The following JAGN1 variants were observed in gnomAD, a reference collection of about 807,000 sequenced individuals.
JAGN1 encodes the protein protein jagunal homolog 1.
JAGN1 carries 13 observed loss-of-function variants against 17.1 expected under a neutral mutation model. The ratio of observed to expected loss-of-function variants is 0.76; its 90% CI spans 0.49 to 1.21. The LOEUF is 1.21. JAGN1 is among the 50% of genes most tolerant of loss of function. The pLI is 0.00. For synonymous variants in JAGN1, 111 were observed against 91.0 expected, an observed-to-expected ratio of 1.22 and a Z score of -1.25; for missense variants, 256 against 234.2, an observed-to-expected ratio of 1.09 and a Z score of -0.61.
intron 1 of JAGN1, among the ~76,000 whole-genome samples, chr3:9,891,090 C>T (rs1344461117): frequency 6.6e-6 from 1 of 152,246 alleles, no homozygotes; most frequent in East Asian, 1.9e-4. Context: ...TCGATGCTGG[C>T]CCCGCTGTAT....
rs2082555219 is a variant in JAGN1, at chr3:9,890,651, C to CGCGGGGGCGCAAAT, written c.-72_-71insGCGGGGGCGCAAAT. 2.8e-6 allele frequency: 4 copies of CGCGGGGGCGCAAAT among 1,433,506 alleles called. No individual in the cohort carries two copies. The highest frequency in any genetic ancestry group is 2.4e-5 in the East Asian group (1 of 40,966). 88.8% of individuals were successfully genotyped at this position (1,433,506 alleles called of 1,614,324 possible). On this transcript the variant is annotated 5_prime_UTR_variant, in exon 1 of 2. Transcript: ENST00000647897. ...GCGGCTGCGGGGGCGCAAATAGGGT[C>CGCGGGGGCGCAAAT]AGTGGGCCGCTTGGCGGTGTCGTTG...
chr3:9,893,739 C>A lies in JAGN1; in HGVS notation c.*362C>A. On this transcript the variant is annotated 3_prime_UTR_variant, in exon 2 of 2. Coordinates refer to ENST00000647897, the MANE Select transcript of JAGN1 (RefSeq NM_032492.4). ...AAATAGGGAATAAATCAAATTACTTCATCTCTAGGTCACGGGTCAGGAAAC... is the reference window on the plus strand; with the variant it reads ...AAATAGGGAATAAATCAAATTACTTAATCTCTAGGTCACGGGTCAGGAAAC... 1 of 213,834 alleles carries A rather than the reference C, an allele frequency of 4.7e-6. No homozygotes were observed. The highest frequency in any genetic ancestry group is 8.6e-5 in the South Asian group (1 of 11,646). The allele number at this position is 213,834 out of a possible 1,614,324, so 13.2% of individuals were successfully genotyped here.
At position 9,893,445 on chromosome 3, in the gene JAGN1, C is replaced by A; in HGVS notation, c.*68C>A. 3 of 1,269,214 alleles carry A rather than the reference C, an allele frequency of 2.4e-6. No homozygotes were observed. Among genetic ancestry groups the A allele is most frequent in the Non-Finnish European group, 3.2e-6 (3 of 932,438 alleles). 78.6% of individuals were successfully genotyped at this position (1,269,214 alleles called of 1,614,324 possible). A position where few individuals can be genotyped will look rare whatever the true frequency, so the allele number is the denominator to read the frequency against. ...GACACTAGTACAGCGGTTCCAAAAT[C>A]CCTTCTGGTGATTTTAGCAGCTGTG... On this transcript the variant is annotated 3_prime_UTR_variant, in exon 2 of 2. Coordinates refer to ENST00000647897, the MANE Select transcript of JAGN1 (RefSeq NM_032492.4).
rs753386088 is a variant in JAGN1, at chr3:9,890,681, A to G, written c.-42A>G. The G allele has an allele frequency of 6.4e-7, 1 of 1,565,558 alleles. No individual in the cohort carries two copies. The highest frequency in any genetic ancestry group is 8.7e-7 in the Non-Finnish European group (1 of 1,150,482). On this transcript the variant is annotated 5_prime_UTR_variant, in exon 1 of 2. Transcript: ENST00000647897. ...GGCCGCTTGGCGGTGTCGTTGCGGT[A>G]CCAGGTCCGCGTGAGGGGTTCGGGG...
Position 9,893,455 on chromosome 3 carries a change from G to T in JAGN1, c.*78G>T. On this transcript the variant is annotated 3_prime_UTR_variant, in exon 2 of 2. Coordinates refer to ENST00000647897, the MANE Select transcript of JAGN1 (RefSeq NM_032492.4). Reference sequence around the variant, plus strand: ...CAGCGGTTCCAAAATCCCTTCTGGTGATTTTAGCAGCTGTGATGTTGGTAC... The same window carrying T: ...CAGCGGTTCCAAAATCCCTTCTGGTTATTTTAGCAGCTGTGATGTTGGTAC... 1 of 1,183,636 alleles carries T rather than the reference G, an allele frequency of 8.4e-7. No homozygotes were observed. Among genetic ancestry groups the T allele is most frequent in the Non-Finnish European group, 1.2e-6 (1 of 859,134 alleles). 73.3% of individuals were successfully genotyped at this position (1,183,636 alleles called of 1,614,324 possible).
At position 9,890,672 on chromosome 3, in the gene JAGN1, C is replaced by A. The variant is rs369579060; in HGVS notation, c.-51C>A. 1.6e-5 allele frequency: 25 copies of A among 1,536,790 alleles called. No individual in the cohort carries two copies. In the African/African-American group the frequency reaches 2.6e-4, roughly 16 times the overall value. ...GGGTCAGTGGGCCGCTTGGCGGTGT[C>A]GTTGCGGTACCAGGTCCGCGTGAGG... is the stretch of plus-strand genomic sequence containing the variant. On this transcript the variant is annotated 5_prime_UTR_variant, in exon 1 of 2. Transcript: ENST00000647897.
chr3:9,890,669 T>G lies in JAGN1; in HGVS notation c.-54T>G. 5 of 1,523,074 alleles carry G rather than the reference T, an allele frequency of 3.3e-6. No individual in the cohort carries two copies. The highest frequency in any genetic ancestry group is 4.5e-6 in the Non-Finnish European group (5 of 1,118,084). The allele number at this position is 1,523,074 out of a possible 1,614,324, so 94.3% of individuals were successfully genotyped here. ...ATAGGGTCAGTGGGCCGCTTGGCGG[T>G]GTCGTTGCGGTACCAGGTCCGCGTG... On this transcript the variant is annotated 5_prime_UTR_variant, in exon 1 of 2. Coordinates refer to ENST00000647897, the MANE Select transcript of JAGN1 (RefSeq NM_032492.4).
Position 9,893,847 on chromosome 3 carries a change from C to CCA in JAGN1, c.*474_*475dup. 1 of 168,002 alleles carries CCA rather than the reference C, an allele frequency of 6.0e-6. No homozygotes were observed. The highest frequency in any genetic ancestry group is 1.6e-4 in the East Asian group (1 of 6,078). The allele number at this position is 168,002 out of a possible 1,614,324, so 10.4% of individuals were successfully genotyped here. The stretch of plus-strand genomic sequence containing the variant: ...AAAACCTCAATAAAGATGGCCCTGC[C>CCA]CACACTGTGCCTTGTGTTTGGGGCT... On this transcript the variant is annotated 3_prime_UTR_variant, in exon 2 of 2. Coordinates refer to ENST00000647897, the MANE Select transcript of JAGN1 (RefSeq NM_032492.4).
At position 9,890,677 on chromosome 3, in the gene JAGN1, C is replaced by T. The variant is rs760091645; in HGVS notation, c.-46C>T. 2.6e-6 allele frequency: 4 copies of T among 1,549,154 alleles called. No homozygotes were observed. Among genetic ancestry groups the T allele is most frequent in the Admixed American group, 1.9e-5 (1 of 52,446 alleles). ...AGTGGGCCGCTTGGCGGTGTCGTTG[C>T]GGTACCAGGTCCGCGTGAGGGGTTC... On this transcript the variant is annotated 5_prime_UTR_variant, in exon 1 of 2. Coordinates refer to ENST00000647897, the MANE Select transcript of JAGN1 (RefSeq NM_032492.4).
intron 1 of JAGN1, among the ~76,000 whole-genome samples, chr3:9,891,113 C>T (rs2082560381): frequency 6.6e-6 from 1 of 152,234 alleles, no homozygotes; most frequent in African/African-American, 2.4e-5. Flanking sequence ...CCTTCGAAAC[C>T]GAATTTCTAA....
In JAGN1 at chr3:9,891,909, C is replaced by G. The variant is rs73811600; in HGVS notation, c.90-1006C>G. 3.3e-3 allele frequency among the ~76,000 whole-genome samples: 503 copies of G among 152,302 alleles called. 2 individuals are homozygous for G. The highest frequency in any genetic ancestry group is 0.012 in the African/African-American group (483 of 41,568). ...AGTATGGGCGGCCTGAGTACGTTTC[C>G]TCTCTGCCAATACCTTCTCCCGCCA... On this transcript the variant is annotated intron_variant, in intron 1 of 1. Transcript: ENST00000647897.
Position 9,893,962 on chromosome 3 carries a change from G to T in JAGN1, c.*585G>T, listed in dbSNP as rs1246027401. The T allele has an allele frequency of 5.2e-5, 8 of 154,518 alleles. No individual in the cohort carries two copies. Among genetic ancestry groups the T allele is most frequent in the African/African-American group, 1.7e-4 (7 of 41,448 alleles). 9.6% of individuals were successfully genotyped at this position (154,518 alleles called of 1,614,324 possible). A position where few individuals can be genotyped will look rare whatever the true frequency, so the allele number is the denominator to read the frequency against. On this transcript the variant is annotated 3_prime_UTR_variant, in exon 2 of 2. Coordinates refer to ENST00000647897, the MANE Select transcript of JAGN1 (RefSeq NM_032492.4). ...GAAGCTCCTTGAGAAACCTAGCAGT[G>T]GCCATAGAGAAGTAGACTGGGTATG...
chr3:9,892,453 T>C (rs967323388), intron 1 of JAGN1, among the ~76,000 whole-genome samples: 1 of 68,106 alleles, frequency 1.5e-5, no homozygotes, highest in African/African-American at 5.4e-5. Context: ...TGGATTAGAG[T>C]TGTGAGCCCA....
intron 1 of JAGN1, 165 bp from the exon 2 acceptor site, chr3:9,892,749 CT>C (rs1276021459): frequency 1.7e-6 from 1 of 597,914 alleles, no homozygotes; most frequent in Non-Finnish European, 3.0e-6. Context: ...TTTACTAGAA[CT>C]TTTTCACTTC....
At chr3:9,892,810 C>T (rs1008427440) in intron 1 of JAGN1, 105 bp from the exon 2 acceptor site, 3 of 694,990 alleles carry the variant, frequency 4.3e-6, no homozygotes, top group African/African-American at 3.6e-5. Flanking sequence ...GGCTTCTAGG[C>T]TGTTTTATTC....
Position 9,893,532 on chromosome 3 carries a change from G to A in JAGN1, c.*155G>A. 2 of 623,064 alleles carry A rather than the reference G, an allele frequency of 3.2e-6. No individual in the cohort carries two copies. Among genetic ancestry groups the A allele is most frequent in the Non-Finnish European group, 5.5e-6 (2 of 366,946 alleles). The allele number at this position is 623,064 out of a possible 1,614,324, so 38.6% of individuals were successfully genotyped here. On this transcript the variant is annotated 3_prime_UTR_variant, in exon 2 of 2. Coordinates refer to ENST00000647897, the MANE Select transcript of JAGN1 (RefSeq NM_032492.4). ...GAAAGCTCCTTTTGCCATCTGCTGA[G>A]GTGGCAAAACTATAATTTATTCCTG...
intron 1 of JAGN1, among the ~76,000 whole-genome samples, chr3:9,892,102 C>T (rs1016463315): frequency 1.8e-4 from 28 of 152,154 alleles, no homozygotes; most frequent in African/African-American, 6.3e-4. Flanking sequence ...TTGTAAGCTC[C>T]GCCTCCCGGG....
chr3:9,890,660 G>A lies in JAGN1; in HGVS notation c.-63G>A, dbSNP rs866311017. The A allele has an allele frequency of 6.7e-6, 10 of 1,496,782 alleles. 1 individual carries two copies. In the African/African-American group the frequency reaches 1.2e-4, roughly 19 times the overall value. The allele number at this position is 1,496,782 out of a possible 1,614,324, so 92.7% of individuals were successfully genotyped here. On this transcript the variant is annotated 5_prime_UTR_variant, in exon 1 of 2. Transcript: ENST00000647897. Reference sequence around the variant, plus strand: ...GGGGCGCAAATAGGGTCAGTGGGCCGCTTGGCGGTGTCGTTGCGGTACCAG... The same window carrying A: ...GGGGCGCAAATAGGGTCAGTGGGCCACTTGGCGGTGTCGTTGCGGTACCAG...
chr3:9,893,506 G>A lies in JAGN1; in HGVS notation c.*129G>A, dbSNP rs542481258. The A allele has an allele frequency of 2.7e-6, 2 of 744,744 alleles. No homozygotes were observed. The highest frequency in any genetic ancestry group is 3.5e-5 in the African/African-American group (2 of 56,720). 46.1% of individuals were successfully genotyped at this position (744,744 alleles called of 1,614,324 possible). A position where few individuals can be genotyped will look rare whatever the true frequency, so the allele number is the denominator to read the frequency against. Reference sequence around the variant, plus strand: ...CTGGTGCAGACCAGGCCAAAGTTCTGGAAAGCTCCTTTTGCCATCTGCTGA... The same window carrying A: ...CTGGTGCAGACCAGGCCAAAGTTCTAGAAAGCTCCTTTTGCCATCTGCTGA... On this transcript the variant is annotated 3_prime_UTR_variant, in exon 2 of 2. Coordinates refer to ENST00000647897, the MANE Select transcript of JAGN1 (RefSeq NM_032492.4).
Sources: gnomAD v4.1 joint callset for allele counts (sites outside exome capture counted in the v4.1 genomes callset) on GRCh38, gnomAD v4.1.1 for gene constraint, MANE v1.5 for transcripts, NCBI Gene and HGNC (gene_info 2026-07-23, HGNC 2026-07-21) for gene names.